Variants in DCUN1D1 observed in about 807,000 individuals in gnomAD.
The protein encoded by DCUN1D1 is DCN1-like protein 1.
Under a neutral mutation model 39.0 loss-of-function variants are expected in DCUN1D1, and 3 were observed. The ratio of observed to expected loss-of-function variants is 0.08; its 90% confidence interval spans 0.04 to 0.20. The LOEUF (loss-of-function observed/expected upper bound fraction) is 0.20, where lower values mean the gene tolerates loss of function less well. Ranked by LOEUF, DCUN1D1 falls within the 10% of genes least tolerant of loss-of-function variation. The probability of loss-of-function intolerance (pLI) is 1.00; values close to 1 mark genes in which losing one functional copy is unlikely to be tolerated. For missense variants in DCUN1D1, 158 were observed against 302.4 expected (o/e 0.52, Z 3.54); for synonymous variants, 82 against 96.3 (o/e 0.85, Z 0.87).
At chr3:182,977,869 G>A (rs1218294097) in intron 1 of DCUN1D1, among the ~76,000 whole-genome samples, 3 of 151,776 alleles carry the variant, frequency 2.0e-5, no homozygotes, top group African/African-American at 7.3e-5. Flanking sequence ...GTGAAACCTC[G>A]TCTCTACTAA....
chr3:182,973,518 T>C (rs879588703), intron 1 of DCUN1D1, among the ~76,000 whole-genome samples: 2 of 152,104 alleles, frequency 1.3e-5, no homozygotes, highest in Non-Finnish European at 2.9e-5. Flanking sequence ...CTTTCAAAAA[T>C]TCAGAAGTGG....
chr3:182,955,306 C>G, intron 4 of DCUN1D1: 2 of 545,300 alleles, frequency 3.7e-6, no homozygotes, highest in South Asian at 2.8e-5. Context: ...TCACTTTCTT[C>G]ACTTCTTCTG....
intron 1 of DCUN1D1, among the ~76,000 whole-genome samples, chr3:182,975,097 T>C (rs913044581): frequency 2.6e-5 from 4 of 151,994 alleles, no homozygotes; most frequent in African/African-American, 9.7e-5. Flanking sequence ...TGACCCAATC[T>C]ATAAGAGCAC....
chr3:182,970,335 TA>T lies in DCUN1D1; in HGVS notation c.4-4583del, dbSNP rs750874081. ...AATAGTTTATCTGAAGAAAAAATAA[TA>T]AAGTTTAAAAAGCCTTCCCATTAAA... is the stretch of plus-strand genomic sequence containing the variant. On this transcript the variant is annotated intron_variant, in intron 1 of 6. Transcript: ENST00000292782. Among the ~76,000 whole-genome samples the T allele has an allele frequency of 3.9e-5, 6 of 152,200 alleles. No individual in the cohort carries two copies. The East Asian group carries it at 9.6e-4, about 24-fold the overall frequency.
chr3:182,947,452 C>G (rs1023598313), intron 5 of DCUN1D1, 98 bp downstream of exon 5: 16 of 1,087,898 alleles, frequency 1.5e-5, no homozygotes, highest in Non-Finnish European at 2.2e-5. Context: ...TTCTGGTAAT[C>G]AAATTTCTCA....
intron 4 of DCUN1D1, among the ~76,000 whole-genome samples, chr3:182,949,577 A>G (rs1278657813): frequency 6.6e-6 from 1 of 151,948 alleles, no homozygotes; most frequent in East Asian, 1.9e-4. Context: ...AAAATTAGCC[A>G]TTCATGGTGG....
chr3:182,979,923 C>T (rs1728441266), intron 1 of DCUN1D1, among the ~76,000 whole-genome samples: 1 of 152,174 alleles, frequency 6.6e-6, no homozygotes, highest in Admixed American at 6.5e-5. Flanking sequence ...AGGAAAAGGG[C>T]TGATACCCCG....
rs1311846278 is a variant in DCUN1D1 at position 182,965,415 on chromosome 3, TACAGACCTCTATTGG to T, written c.220+107_220+121del. On this transcript the variant is annotated intron_variant, in intron 2 of 6. Coordinates refer to ENST00000292782, the MANE Select transcript of DCUN1D1 (RefSeq NM_020640.4). ...GACCTCTTGAAATAACTCTAAGATC[TACAGACCTCTATTGG>T]ACACATCCACCCAATTTAAGTTATA... 2.9e-4 allele frequency: 165 copies of T among 562,130 alleles called. 2 individuals carry two copies. The East Asian group carries it at 4.6e-3, about 16-fold the overall frequency. 34.8% of individuals were successfully genotyped at this position (562,130 alleles called of 1,614,324 possible). A position where few individuals can be genotyped will look rare whatever the true frequency, so the allele number is the denominator to read the frequency against.
In DCUN1D1 at chr3:182,940,832, A is replaced by G. The variant is rs1726102806; in HGVS notation, c.*4262T>C. The G allele has an allele frequency of 6.6e-6, 1 of 152,232 alleles. No homozygotes were observed. Among genetic ancestry groups the G allele is most frequent in the Non-Finnish European group, 1.5e-5 (1 of 68,036 alleles). 9.4% of individuals were successfully genotyped at this position (152,232 alleles called of 1,614,324 possible). On this transcript the variant is annotated 3_prime_UTR_variant, in exon 7 of 7. Coordinates refer to ENST00000292782, the MANE Select transcript of DCUN1D1 (RefSeq NM_020640.4). Reference sequence around the variant, plus strand: ...TTGTAAGTAAATAGAAAATTGGGCTATACTTAAAAACACTTTTAAAATCTC... The same window carrying G: ...TTGTAAGTAAATAGAAAATTGGGCTGTACTTAAAAACACTTTTAAAATCTC...
rs1035190154 is a variant in DCUN1D1 at position 182,939,040 on chromosome 3, T to C, written c.*6054A>G. On this transcript the variant is annotated 3_prime_UTR_variant, in exon 7 of 7. Coordinates refer to ENST00000292782, the MANE Select transcript of DCUN1D1 (RefSeq NM_020640.4). The stretch of plus-strand genomic sequence containing the variant: ...TACCCTCACTGACTACAGAAAATAC[T>C]ACCTCCAAGAGAGTACATGTCTACT... 8 of 152,220 alleles carry C rather than the reference T, an allele frequency of 5.3e-5. No individual in the cohort carries two copies. The highest frequency in any genetic ancestry group is 1.9e-4 in the African/African-American group (8 of 41,452). 9.4% of individuals were successfully genotyped at this position (152,220 alleles called of 1,614,324 possible).
chr3:182,985,426 C>G (rs1258542002), upstream of DCUN1D1: 1 of 152,430 alleles, frequency 6.6e-6, no homozygotes, highest in East Asian at 1.9e-4. Flanking sequence ...GTCGGGAGTT[C>G]GTGACCCAGC....
At chr3:182,983,913 C>G (rs1560188432), upstream of DCUN1D1, among the ~76,000 whole-genome samples, 2 of 152,072 alleles carry the variant, frequency 1.3e-5, no homozygotes, top group African/African-American at 2.4e-5. Flanking sequence ...AAGTTTCTCC[C>G]CACACCTTAC....
intron 1 of DCUN1D1, chr3:182,980,082 C>T: frequency 1.1e-6 from 1 of 908,740 alleles, no homozygotes; most frequent in Non-Finnish European, 1.3e-6. Context: ...TCACCCGGAA[C>T]CCCAGACCCC....
In DCUN1D1 at chr3:182,977,015, T is replaced by C. The variant is rs115536804; in HGVS notation, c.3+3472A>G. 1.4e-3 allele frequency among the ~76,000 whole-genome samples: 219 copies of C among 152,338 alleles called. 1 individual carries two copies. Among genetic ancestry groups the C allele is most frequent in the Non-Finnish European group, 2.5e-3 (172 of 68,026 alleles). On this transcript the variant is annotated intron_variant, in intron 1 of 6. Coordinates refer to ENST00000292782, the MANE Select transcript of DCUN1D1 (RefSeq NM_020640.4). ...TATATATTTAAAGCCATTGAAAACA[T>C]AGGCATTAACATCATTGATCACCCA...
rs111345142 is a variant in DCUN1D1, at chr3:182,947,530, T to C, written c.603+20A>G. ...CAGAATTTGAGAAAACAGAGAGAAA[T>C]GTAGAAAATGTGAACTTACCAACAA... On this transcript the variant is annotated intron_variant, in intron 5 of 6. Coordinates refer to ENST00000292782, the MANE Select transcript of DCUN1D1 (RefSeq NM_020640.4). 3 of 1,379,612 alleles carry C rather than the reference T, an allele frequency of 2.2e-6. No individual in the cohort carries two copies. Among genetic ancestry groups the C allele is most frequent in the Non-Finnish European group, 3.1e-6 (3 of 976,840 alleles). 85.5% of individuals were successfully genotyped at this position (1,379,612 alleles called of 1,614,324 possible). A position where few individuals can be genotyped will look rare whatever the true frequency, so the allele number is the denominator to read the frequency against.
chr3:182,985,801 A>C (rs1474003361), intron 1 of DCUN1D1: 1 of 152,262 alleles, frequency 6.6e-6, no homozygotes. Context: ...CCTTCTAAAA[A>C]GGAAAATGGG....
chr3:182,954,367 A>C (rs542911412), intron 4 of DCUN1D1, among the ~76,000 whole-genome samples: 43 of 152,172 alleles, frequency 2.8e-4, no homozygotes, highest in Admixed American at 9.8e-4. Flanking sequence ...AACCAGACAA[A>C]GCTAATTTAT....
intron 4 of DCUN1D1, chr3:182,950,719 T>C (rs1726673954): frequency 6.6e-6 from 1 of 151,878 alleles, no homozygotes; most frequent in Non-Finnish European, 1.5e-5. Context: ...AAATACATAA[T>C]ACTGGCTGGG....
At chr3:182,980,058 C>A in intron 1 of DCUN1D1, 5 of 673,224 alleles carry the variant, frequency 7.4e-6, no homozygotes, top group Non-Finnish European at 9.2e-6. Flanking sequence ...GGCTTCGGGG[C>A]GGGGGGAGGC....
Sources: allele counts gnomAD v4.1 joint callset (sites outside exome capture counted in the v4.1 genomes callset), GRCh38; gene constraint gnomAD v4.1.1; transcripts MANE v1.5; gene names NCBI Gene and HGNC (gene_info 2026-07-23, HGNC 2026-07-21).